KIF13B: variants seen among roughly 807,000 people sequenced by gnomAD.
The protein encoded by KIF13B is kinesin-like protein KIF13B.
Under a neutral mutation model 222.0 loss-of-function variants are expected in KIF13B, and 127 were observed. The observed-to-expected ratio is 0.57, with a 90% confidence interval of 0.50 to 0.66. The LOEUF (loss-of-function observed/expected upper bound fraction) is 0.66, where lower values mean the gene tolerates loss of function less well. KIF13B is among the 30% of genes least tolerant of loss of function. The pLI is 0.00. For synonymous variants in KIF13B, 976 were observed against 919.0 expected (o/e 1.06, Z -1.12); for missense variants, 2,173 against 2,379.0 (o/e 0.91, Z 1.80).
At chr8:29,127,360 A>G in intron 24 of KIF13B, 92 bp from the exon 25 acceptor site, 1 of 1,087,622 alleles carries the variant, frequency 9.2e-7, no homozygotes, top group South Asian at 1.7e-5. Context: ...TGTTGAGAAA[A>G]ATGTTTAATT....
rs971310713 is a variant in KIF13B at position 29,069,105 on chromosome 8, G to C, written c.*1399C>G. On this transcript the variant is annotated 3_prime_UTR_variant, in exon 40 of 40. Coordinates refer to ENST00000524189, the MANE Select transcript of KIF13B (RefSeq NM_015254.4). ...CTTTCTAGATGTTGACTAAATGTGAGAACTAGAAACCAGCTCCAAGGGTGG... is the reference window on the plus strand; with the variant it reads ...CTTTCTAGATGTTGACTAAATGTGACAACTAGAAACCAGCTCCAAGGGTGG... The C allele has an allele frequency of 6.6e-6, 1 of 152,242 alleles. No individual in the cohort carries two copies. Among genetic ancestry groups the C allele is most frequent in the African/African-American group, 2.4e-5 (1 of 41,462 alleles). The allele number at this position is 152,242 out of a possible 1,614,324, so 9.4% of individuals were successfully genotyped here.
chr8:29,231,558 A>G (rs1295925538), intron 2 of KIF13B, among the ~76,000 whole-genome samples: 1 of 152,202 alleles, frequency 6.6e-6, no homozygotes, highest in Non-Finnish European at 1.5e-5. Context: ...AATGAAATTG[A>G]GCAAGGAAGC....
intron 2 of KIF13B, among the ~76,000 whole-genome samples, chr8:29,232,920 G>A (rs1273170964): frequency 6.6e-6 from 1 of 151,950 alleles, no homozygotes; most frequent in Non-Finnish European, 1.5e-5. Context: ...ACTTTCGGAG[G>A]CCAAGGGGGT....
At chr8:29,255,808 G>C (rs572112363) in intron 1 of KIF13B, among the ~76,000 whole-genome samples, 1 of 152,046 alleles carries the variant, frequency 6.6e-6, no homozygotes, top group Non-Finnish European at 1.5e-5. Flanking sequence ...TGTTAATCAC[G>C]CGGCCATTCC....
chr8:29,138,097 C>A (rs1394201475), intron 21 of KIF13B, among the ~76,000 whole-genome samples: 1 of 152,222 alleles, frequency 6.6e-6, no homozygotes, highest in Non-Finnish European at 1.5e-5. Context: ...CACCTGTAAT[C>A]CTTGCACTTC....
intron 1 of KIF13B, among the ~76,000 whole-genome samples, chr8:29,258,454 C>G (rs1187995227): frequency 1.3e-5 from 2 of 152,182 alleles, no homozygotes; most frequent in Non-Finnish European, 2.9e-5. Flanking sequence ...TCCCAAGAAG[C>G]AAAACAGAGT....
At chr8:29,196,244 T>TAA (rs34237413) in intron 2 of KIF13B, 45 bp from the exon 3 acceptor site, 67 of 1,232,842 alleles carry the variant, frequency 5.4e-5, no homozygotes, top group East Asian at 4.3e-4. Flanking sequence ...AAAGAAAAGT[T>TAA]AAAAAAAAAA....
chr8:29,262,948 G>T (rs746229190), intron 1 of KIF13B, 32 bp downstream of exon 1: 6 of 1,528,190 alleles, frequency 3.9e-6, no homozygotes, highest in African/African-American at 1.4e-5. Context: ...TGCCGCCTCC[G>T]CCCCGGCGGC....
At chr8:29,143,889 T>G (rs115448261) in intron 18 of KIF13B, among the ~76,000 whole-genome samples, 1 of 151,944 alleles carries the variant, frequency 6.6e-6, no homozygotes, top group African/African-American at 2.4e-5. Context: ...TGTTCTATTA[T>G]GCAAGTATCA....
rs1235594737 is a variant in KIF13B at position 29,144,036 on chromosome 8, T to TA, written c.2188-1734dup. On this transcript the variant is annotated intron_variant, in intron 18 of 39. Coordinates refer to ENST00000524189, the MANE Select transcript of KIF13B (RefSeq NM_015254.4). Reference sequence around the variant, plus strand: ...TAGAACTTTTAAAAAACCACAAAGTTAAAAAAAAAAAAGCCCCTATACATT... The same window carrying TA: ...TAGAACTTTTAAAAAACCACAAAGTTAAAAAAAAAAAAAGCCCCTATACATT... Among the ~76,000 whole-genome samples, 534 of 137,636 alleles carry TA rather than the reference T, an allele frequency of 3.9e-3. 1 individual carries two copies. The highest frequency in any genetic ancestry group is 0.012 in the African/African-American group (462 of 37,344). The allele number at this position is 137,636 out of a possible 152,430, so 90.3% of individuals were successfully genotyped here.
At chr8:29,196,972 A>G (rs962999388) in intron 2 of KIF13B, among the ~76,000 whole-genome samples, 1 of 152,120 alleles carries the variant, frequency 6.6e-6, no homozygotes, top group Non-Finnish European at 1.5e-5. Context: ...CCGCACACAT[A>G]AGCACTTCTA....
At chr8:29,143,741 G>A (rs1810923359) in intron 18 of KIF13B, among the ~76,000 whole-genome samples, 1 of 152,078 alleles carries the variant, frequency 6.6e-6, no homozygotes, top group Non-Finnish European at 1.5e-5. Context: ...AGCTATTCAG[G>A]AGGCTGAGGC....
At chr8:29,160,132 T>TTA (rs1811709112) in intron 13 of KIF13B, among the ~76,000 whole-genome samples, 2 of 152,262 alleles carry the variant, frequency 1.3e-5, no homozygotes, top group African/African-American at 4.8e-5. Flanking sequence ...TGAAGTTGTC[T>TTA]CTTATCTTAC....
intron 37 of KIF13B, among the ~76,000 whole-genome samples, chr8:29,078,026 TA>T (rs1353319908): frequency 2.0e-5 from 3 of 147,266 alleles, no homozygotes; most frequent in African/African-American, 7.6e-5. Flanking sequence ...TTCACGCCTA[TA>T]ATCCCAGCAG....
At chr8:29,241,322 G>T (rs1283353767) in intron 2 of KIF13B, among the ~76,000 whole-genome samples, 1 of 152,196 alleles carries the variant, frequency 6.6e-6, no homozygotes, top group Non-Finnish European at 1.5e-5. Context: ...GGTGCAGGTT[G>T]CACAATTCAG....
At chr8:29,208,446 C>G (rs986732936) in intron 2 of KIF13B, among the ~76,000 whole-genome samples, 1 of 152,176 alleles carries the variant, frequency 6.6e-6, no homozygotes, top group East Asian at 1.9e-4. Flanking sequence ...GGTTGGGCCT[C>G]AGTGGGTCTG....
In KIF13B at chr8:29,177,209, G is replaced by A. The variant is rs144948707; in HGVS notation, c.833+257C>T. ...GGGATGCGGCTAGACACTCTACAAA[G>A]CACAGCATCACCCCTCCCATGAAAA... On this transcript the variant is annotated intron_variant, in intron 9 of 39. Coordinates refer to ENST00000524189, the MANE Select transcript of KIF13B (RefSeq NM_015254.4). Among the ~76,000 whole-genome samples the A allele has an allele frequency of 7.8e-3, 1,185 of 151,348 alleles. 6 individuals carry two copies. The highest frequency in any genetic ancestry group is 0.013 in the African/African-American group (527 of 41,252).
chr8:29,092,925 G>C (rs753840815), intron 36 of KIF13B, 47 bp from the exon 37 acceptor site: 34 of 1,515,388 alleles, frequency 2.2e-5, no homozygotes, highest in Non-Finnish European at 2.8e-5. Context: ...CAATTACATA[G>C]ACATCTTCTT....
intron 1 of KIF13B, among the ~76,000 whole-genome samples, chr8:29,251,536 C>T (rs553494545): frequency 6.6e-6 from 1 of 151,992 alleles, no homozygotes; most frequent in African/African-American, 2.4e-5. Flanking sequence ...TCTATGATTC[C>T]ATTTATATGA....
Sources: gnomAD v4.1 joint callset for allele counts (sites outside exome capture counted in the v4.1 genomes callset) on GRCh38, gnomAD v4.1.1 for gene constraint, MANE v1.5 for transcripts, NCBI Gene and HGNC (gene_info 2026-07-23, HGNC 2026-07-21) for gene names.